The following TRAPPC9 variants were observed in gnomAD, a reference collection of about 807,000 sequenced individuals.
TRAPPC9 encodes IKK2 binding protein.
In TRAPPC9, 83 loss-of-function variants were observed where a neutral mutation model predicts 124.0. That is an observed-to-expected ratio of 0.67 (90% CI 0.56 to 0.80). The LOEUF (loss-of-function observed/expected upper bound fraction) is 0.80. Among genes scored for constraint, TRAPPC9 ranks in the 30% least tolerant of loss-of-function variants. The probability of loss-of-function intolerance (pLI) is 0.00; values close to 1 mark genes in which losing one functional copy is unlikely to be tolerated. For missense variants in TRAPPC9, 1,302 were observed against 1,508.3 expected, an observed-to-expected ratio of 0.86 and a Z score of 2.27; for synonymous variants, 638 against 617.5, an observed-to-expected ratio of 1.03 and a Z score of -0.49.
intron 17 of TRAPPC9, among the ~76,000 whole-genome samples, chr8:140,184,742 T>C (rs1473861204): frequency 1.3e-5 from 2 of 152,280 alleles, no homozygotes; most frequent in South Asian, 2.1e-4. Flanking sequence ...TAAATACCAT[T>C]TTTATAATGA....
intron 19 of TRAPPC9, among the ~76,000 whole-genome samples, chr8:139,923,866 C>G (rs1374105951): frequency 6.6e-6 from 1 of 152,176 alleles, no homozygotes. Flanking sequence ...CATATTGAAT[C>G]AGTAGCTATT....
chr8:139,866,450 T>C (rs1212566772), intron 21 of TRAPPC9, among the ~76,000 whole-genome samples: 1 of 152,068 alleles, frequency 6.6e-6, no homozygotes, highest in Non-Finnish European at 1.5e-5. Flanking sequence ...CTGGCCTGGG[T>C]GCCAGAGCAG....
At chr8:140,079,679 C>T (rs886196539) in intron 17 of TRAPPC9, among the ~76,000 whole-genome samples, 4 of 152,130 alleles carry the variant, frequency 2.6e-5, no homozygotes, top group Non-Finnish European at 1.5e-5. Context: ...GCCTGCAATC[C>T]CAGCACTTTG....
chr8:140,049,550 C>T (rs72685265), intron 17 of TRAPPC9, among the ~76,000 whole-genome samples: 21 of 151,828 alleles, frequency 1.4e-4, no homozygotes, highest in South Asian at 2.1e-4. Context: ...AGGGCTCCCC[C>T]CCCCGAGACC....
chr8:139,781,928 T>C (rs1002231454), intron 21 of TRAPPC9, among the ~76,000 whole-genome samples: 2 of 152,152 alleles, frequency 1.3e-5, no homozygotes, highest in Non-Finnish European at 2.9e-5. Context: ...CAGAAGATGA[T>C]ATACTTAAAC....
At chr8:139,743,190 C>T (rs917834222) in intron 21 of TRAPPC9, among the ~76,000 whole-genome samples, 2 of 152,192 alleles carry the variant, frequency 1.3e-5, no homozygotes, top group African/African-American at 2.4e-5. Flanking sequence ...CCAACTGGCT[C>T]GTCCAACAAT....
At chr8:139,829,558 AT>A (rs539633912) in intron 21 of TRAPPC9, among the ~76,000 whole-genome samples, 439 of 152,340 alleles carry the variant, frequency 2.9e-3, no homozygotes, top group Non-Finnish European at 5.1e-3. Flanking sequence ...GGATACCCCC[AT>A]CTGGAGATGC....
chr8:140,440,972 CTTTTTTTTTT>C (rs60379205), intron 2 of TRAPPC9, among the ~76,000 whole-genome samples: 1 of 80,304 alleles, frequency 1.2e-5, no homozygotes, highest in Non-Finnish European at 2.3e-5. Context: ...AACACTGTTA[CTTTTTTTTTT>C]TTTTTTTTTT....
intron 9 of TRAPPC9, among the ~76,000 whole-genome samples, chr8:140,336,668 T>C (rs1381198056): frequency 1.3e-5 from 2 of 152,122 alleles, no homozygotes; most frequent in African/African-American, 4.8e-5. Context: ...AGCAACAAAA[T>C]GAAGGGGTAG....
At chr8:140,394,202 G>A (rs1009918348) in intron 7 of TRAPPC9, among the ~76,000 whole-genome samples, 2 of 152,310 alleles carry the variant, frequency 1.3e-5, no homozygotes, top group East Asian at 1.9e-4. Context: ...AGTTGTTAAC[G>A]GCAAGCCAGT....
chr8:139,926,422 C>T lies in TRAPPC9; in HGVS notation c.2811-16122G>A, dbSNP rs369367105. Among the ~76,000 whole-genome samples, 5 of 152,214 alleles carry T rather than the reference C, an allele frequency of 3.3e-5. No individual in the cohort carries two copies. The East Asian group carries it at 9.7e-4, about 29-fold the overall frequency. On this transcript the variant is annotated intron_variant, in intron 19 of 22. Coordinates refer to ENST00000438773, the MANE Select transcript of TRAPPC9 (RefSeq NM_001160372.4). ...GATTCAGAAGAACGAATGGGTACCC[C>T]AAGATCACCCAAATGCTGGAGCCAC... is the stretch of plus-strand genomic sequence containing the variant.
chr8:140,252,064 G>T lies in TRAPPC9; in HGVS notation c.2431+713C>A, dbSNP rs1256064907. Among the ~76,000 whole-genome samples the T allele has an allele frequency of 1.4e-5, 2 of 148,054 alleles. No homozygotes were observed. The highest frequency in any genetic ancestry group is 3.0e-5 in the Non-Finnish European group (2 of 67,350). On this transcript the variant is annotated intron_variant, in intron 16 of 22. Coordinates refer to ENST00000438773, the MANE Select transcript of TRAPPC9 (RefSeq NM_001160372.4). This position sits in a 1 kb window ranked among gnomAD's most constrained non-coding sequence, Gnocchi z 4.2. ...TTTTGAGATGGAGTCTCACTGTGTT[G>T]CCCAGGCTGGAGTGCAGTGGCGTGA...
chr8:140,260,558 G>A (rs975376601), intron 15 of TRAPPC9, among the ~76,000 whole-genome samples: 1 of 152,144 alleles, frequency 6.6e-6, no homozygotes, highest in African/African-American at 2.4e-5. Flanking sequence ...AAACTAATTA[G>A]GTAAGTTCTA....
intron 4 of TRAPPC9, among the ~76,000 whole-genome samples, chr8:140,429,611 G>C (rs1164068815): frequency 1.3e-5 from 2 of 151,920 alleles, no homozygotes; most frequent in Non-Finnish European, 2.9e-5. Context: ...TTTGCGACCA[G>C]CCTGGCCAAC....
At chr8:139,980,973 C>A (rs1207546498) in intron 19 of TRAPPC9, among the ~76,000 whole-genome samples, 1 of 152,208 alleles carries the variant, frequency 6.6e-6, no homozygotes, top group East Asian at 1.9e-4. Context: ...GTGTGGAAAG[C>A]CAATCAAGTC....
chr8:140,165,097 TG>T (rs2061811973), intron 17 of TRAPPC9, among the ~76,000 whole-genome samples: 1 of 152,182 alleles, frequency 6.6e-6, no homozygotes, highest in Non-Finnish European at 1.5e-5. Flanking sequence ...AGTACTAGGC[TG>T]GGCGCACTGG....
chr8:139,974,949 A>G (rs1836344224), intron 19 of TRAPPC9, among the ~76,000 whole-genome samples: 1 of 151,976 alleles, frequency 6.6e-6, no homozygotes, highest in African/African-American at 2.4e-5. Flanking sequence ...TCTGCCTCCC[A>G]TCAGCAGACC....
chr8:140,170,688 C>T (rs187521315), intron 17 of TRAPPC9, among the ~76,000 whole-genome samples: 120 of 152,306 alleles, frequency 7.9e-4, no homozygotes, highest in Admixed American at 3.3e-3. Context: ...CTCAGGAGCA[C>T]TCTTTGAAGG....
intron 19 of TRAPPC9, among the ~76,000 whole-genome samples, chr8:139,943,589 A>C (rs1334110428): frequency 6.6e-6 from 1 of 152,238 alleles, no homozygotes; most frequent in Non-Finnish European, 1.5e-5. Flanking sequence ...ATTTGAGAGA[A>C]TACAGACGTT....
Sources: gnomAD v4.1 joint callset for allele counts (sites outside exome capture counted in the v4.1 genomes callset) on GRCh38, gnomAD v4.1.1 for gene constraint, Gnocchi (gnomAD v3.1) non-coding constraint, MANE v1.5 for transcripts, NCBI Gene and HGNC (gene_info 2026-07-23, HGNC 2026-07-21) for gene names.